The following CNIH3 variants were observed in gnomAD, a reference collection of about 807,000 sequenced individuals.
CNIH3 encodes the protein protein cornichon homolog 3.
Under a neutral mutation model 24.1 loss-of-function variants are expected in CNIH3, and 14 were observed. The ratio of observed to expected loss-of-function variants is 0.58; its 90% confidence interval spans 0.38 to 0.91. The LOEUF (loss-of-function observed/expected upper bound fraction) is 0.91. Ranked by LOEUF, CNIH3 falls within the 40% of genes least tolerant of loss-of-function variation. The pLI is 0.00. For missense variants in CNIH3, 178 were observed against 196.8 expected, an observed-to-expected ratio of 0.90 and a Z score of 0.57; for synonymous variants, 68 against 73.8, an observed-to-expected ratio of 0.92 and a Z score of 0.40.
chr1:224,502,272 G>A (rs770888324), intron 1 of CNIH3, among the ~76,000 whole-genome samples: 8 of 152,204 alleles, frequency 5.3e-5, no homozygotes, highest in African/African-American at 1.4e-4. Context: ...AGTGGTGTGA[G>A]TGAGATTGCA....
rs370377775 is a variant in CNIH3 at position 224,708,459 on chromosome 1, T to C, written c.199-22003T>C. Among the ~76,000 whole-genome samples, 7 of 152,358 alleles carry C rather than the reference T, an allele frequency of 4.6e-5. No homozygotes were observed. The South Asian group carries it at 8.3e-4, about 18-fold the overall frequency. On this transcript the variant is annotated intron_variant, in intron 3 of 5. Transcript: ENST00000272133. ...ATGCTACCAACCCACACATTTCTTT[T>C]TTCATATGTTGCCCAATTCTGGAAA...
chr1:224,607,186 C>T (rs1682465306), intron 3 of CNIH3, among the ~76,000 whole-genome samples: 1 of 152,202 alleles, frequency 6.6e-6, no homozygotes, highest in Non-Finnish European at 1.5e-5. Context: ...TGGACTGGCC[C>T]TTGGACCTTT....
intron 1 of CNIH3, among the ~76,000 whole-genome samples, chr1:224,643,309 T>C (rs1240092992): frequency 6.6e-6 from 1 of 152,250 alleles, no homozygotes; most frequent in African/African-American, 2.4e-5. Context: ...CGGTGGTTTC[T>C]GTGTCTACAG....
At chr1:224,737,220 G>A (rs1380665997) in intron 5 of CNIH3, among the ~76,000 whole-genome samples, 1 of 150,398 alleles carries the variant, frequency 6.6e-6, no homozygotes, top group East Asian at 2.0e-4. Flanking sequence ...CGCTGCGGGG[G>A]TGGGAGGGGG....
At chr1:224,721,529 C>T (rs1321330421) in intron 3 of CNIH3, among the ~76,000 whole-genome samples, 1 of 152,194 alleles carries the variant, frequency 6.6e-6, no homozygotes, top group Non-Finnish European at 1.5e-5. Context: ...TTCTCATCTC[C>T]TCCCTGAGTG....
chr1:224,499,969 C>T (rs1161420906), intron 1 of CNIH3, among the ~76,000 whole-genome samples: 1 of 151,484 alleles, frequency 6.6e-6, no homozygotes, highest in African/African-American at 2.4e-5. Context: ...GGGTAAGGCT[C>T]AACAATTCCC....
intron 3 of CNIH3, among the ~76,000 whole-genome samples, chr1:224,608,614 C>T (rs1033957186): frequency 1.3e-5 from 2 of 152,198 alleles, no homozygotes; most frequent in African/African-American, 2.4e-5. Flanking sequence ...GGTCAGGGGT[C>T]GATCTTTAAC....
At chr1:224,514,239 T>A (rs1678287934), upstream of CNIH3, among the ~76,000 whole-genome samples, 1 of 152,222 alleles carries the variant, frequency 6.6e-6, no homozygotes, top group Admixed American at 6.5e-5. Flanking sequence ...CATACTTGTC[T>A]AAGTCCTATT....
At chr1:224,445,754 G>A (rs1675135302) in intron 1 of CNIH3, among the ~76,000 whole-genome samples, 1 of 152,054 alleles carries the variant, frequency 6.6e-6, no homozygotes, top group Non-Finnish European at 1.5e-5. Flanking sequence ...AGTTCTTAAT[G>A]AAATCCAGTT....
chr1:224,640,229 C>A (rs1684290743), intron 1 of CNIH3, among the ~76,000 whole-genome samples: 1 of 152,226 alleles, frequency 6.6e-6, no homozygotes, highest in African/African-American at 2.4e-5. Flanking sequence ...ACAGGACACT[C>A]TCTGCTCTGT....
chr1:224,591,003 G>A (rs188360797), downstream of CNIH3, among the ~76,000 whole-genome samples: 3 of 152,218 alleles, frequency 2.0e-5, no homozygotes, highest in African/African-American at 2.4e-5. Context: ...AATTGGAAAA[G>A]GTAGATCTAA....
intron 3 of CNIH3, among the ~76,000 whole-genome samples, chr1:224,722,354 C>G (rs2125225710): frequency 6.6e-6 from 1 of 152,306 alleles, no homozygotes; most frequent in East Asian, 1.9e-4. Flanking sequence ...AGAGTGGAAC[C>G]TGGAAATCTG....
At chr1:224,556,811 A>G (rs1680158976) in intron 3 of CNIH3, among the ~76,000 whole-genome samples, 1 of 152,286 alleles carries the variant, frequency 6.6e-6, no homozygotes, top group South Asian at 2.1e-4. Context: ...GGTACCAGTC[A>G]GTGGCCTGCG....
intron 4 of CNIH3, among the ~76,000 whole-genome samples, chr1:224,573,643 T>G (rs1422230783): frequency 1.3e-5 from 2 of 152,168 alleles, no homozygotes; most frequent in Non-Finnish European, 2.9e-5. Flanking sequence ...CAGCAGGGCT[T>G]TTTGTGTGAA....
rs572344086 is a variant in CNIH3 at position 224,456,264 on chromosome 1, G to T, written n.203+21402G>T. ...GCTCTGCATTGTTCTGCATAGCAACGTTCCATCCACAAAAAGCTCCAGTGT... is the reference window on the plus strand; with the variant it reads ...GCTCTGCATTGTTCTGCATAGCAACTTTCCATCCACAAAAAGCTCCAGTGT... On this transcript the variant is annotated intron_variant and non_coding_transcript_variant, in intron 1 of 5. Transcript: ENST00000471578. Among the ~76,000 whole-genome samples the T allele has an allele frequency of 1.5e-3, 234 of 152,228 alleles. 5 individuals carry two copies. The highest frequency in any genetic ancestry group is 2.4e-4 in the Non-Finnish European group (16 of 68,032).
intron 1 of CNIH3, among the ~76,000 whole-genome samples, chr1:224,663,763 A>G (rs936439982): frequency 6.6e-6 from 1 of 152,208 alleles, no homozygotes; most frequent in Non-Finnish European, 1.5e-5. Context: ...CACATTTCAA[A>G]GGCTGTTCTT....
intron 1 of CNIH3, 56 bp downstream of exon 1, chr1:224,617,311 G>A: frequency 6.3e-7 from 1 of 1,578,996 alleles, no homozygotes; most frequent in African/African-American, 1.4e-5. Context: ...AAATTTCCCC[G>A]ATTTCACCCC....
At chr1:224,477,283 G>A (rs769122379) in intron 1 of CNIH3, among the ~76,000 whole-genome samples, 3 of 152,248 alleles carry the variant, frequency 2.0e-5, no homozygotes, top group Non-Finnish European at 2.9e-5. Flanking sequence ...GTCTCCACAT[G>A]CTGTTCTGTC....
chr1:224,563,457 C>T (rs916815342), intron 3 of CNIH3, among the ~76,000 whole-genome samples: 22 of 108,138 alleles, frequency 2.0e-4, no homozygotes, highest in African/African-American at 2.1e-4. Flanking sequence ...ATATTTTAGA[C>T]GGGGTGTGTG....
Sources: gnomAD v4.1 joint callset for allele counts (sites outside exome capture counted in the v4.1 genomes callset) on GRCh38, gnomAD v4.1.1 for gene constraint, MANE v1.5 for transcripts, NCBI Gene and HGNC (gene_info 2026-07-23, HGNC 2026-07-21) for gene names.